Variants in TRAK1 observed in about 807,000 individuals in gnomAD.
The protein encoded by TRAK1 is trafficking kinesin protein 1.
A neutral mutation model predicts 92.1 loss-of-function variants in TRAK1; 33 were observed. That is an observed-to-expected ratio of 0.36 (90% CI 0.27 to 0.48). The LOEUF is 0.48. TRAK1 is among the 20% of genes least tolerant of loss of function. The pLI is 0.99. For synonymous variants in TRAK1, 521 were observed against 517.3 expected, an observed-to-expected ratio of 1.01 and a Z score of -0.10; for missense variants, 1,123 against 1,257.9, an observed-to-expected ratio of 0.89 and a Z score of 1.62.
rs778220748 is a variant in TRAK1, at chr3:42,202,669, C to T, written c.1661C>T (p.Ser554Phe). The change falls in exon 13 of 16, where the codon TCC becomes TTC. Residue 554 changes from serine (S) to phenylalanine (F), a missense_variant. Ser to Phe is a radical substitution (Grantham distance 155, BLOSUM62 -2). Around this residue, in one of 3 missense-constraint regions of TRAK1, gnomAD observed 686 missense variants for 747.6 expected, o/e 0.92. Coordinates refer to ENST00000327628, the MANE Select transcript of TRAK1 (RefSeq NM_001042646.3). The surrounding 1 kb of genome is among the most constrained non-coding windows in gnomAD (Gnocchi z 6.1). ...TCCCTGGGCACGCACTCCCGCTTCT[C>T]CGAGTTCACCGGCTTCTCTGGCATG... Reference protein sequence around the residue: ...IMSLGTHSRFSEFTGFSGMSF... With the variant: ...IMSLGTHSRFFEFTGFSGMSF... 6.2e-7 allele frequency: 1 copy of T among 1,613,662 alleles called. No individual in the cohort carries two copies. The highest frequency in any genetic ancestry group is 8.5e-7 in the Non-Finnish European group (1 of 1,179,670).
intron 1 of TRAK1, among the ~76,000 whole-genome samples, chr3:42,103,272 A>G (rs996702197): frequency 1.3e-5 from 2 of 152,006 alleles, no homozygotes; most frequent in African/African-American, 2.4e-5. Flanking sequence ...GGTTCAAGAG[A>G]TTCTCCTGCC....
Position 42,202,499 on chromosome 3 carries a change from G to T in TRAK1, c.1491G>T (p.Thr497=). Residue 497 remains threonine, a synonymous_variant, in exon 13 of 16, where the codon ACG becomes ACT. Coordinates refer to ENST00000327628, the MANE Select transcript of TRAK1 (RefSeq NM_001042646.3). The surrounding 1 kb of genome is among the most constrained non-coding windows in gnomAD (Gnocchi z 6.1). Reference sequence around the variant, plus strand: ...CCCCAGGCTCCCACGACCTGGAGACGGCGCTGAGGCGGCTGTCCCTGCGCC... The same window carrying T: ...CCCCAGGCTCCCACGACCTGGAGACTGCGCTGAGGCGGCTGTCCCTGCGCC... ...PGTPGSHDLE[T]ALRRLSLRRE... 1 of 1,506,996 alleles carries T rather than the reference G, an allele frequency of 6.6e-7. No individual in the cohort carries two copies. The highest frequency in any genetic ancestry group is 8.9e-7 in the Non-Finnish European group (1 of 1,123,784). The allele number at this position is 1,506,996 out of a possible 1,614,324, so 93.4% of individuals were successfully genotyped here. A position where few individuals can be genotyped will look rare whatever the true frequency, so the allele number is the denominator to read the frequency against.
At chr3:42,117,931 C>T (rs1478242440) in intron 1 of TRAK1, among the ~76,000 whole-genome samples, 13 of 152,044 alleles carry the variant, frequency 8.6e-5, no homozygotes, top group African/African-American at 1.2e-4. Context: ...GCGATTCTCC[C>T]GCCTCAGCCT....
chr3:42,172,961 C>T lies in TRAK1; in HGVS notation c.287-3853C>T, dbSNP rs558783677. Among the ~76,000 whole-genome samples the T allele has an allele frequency of 9.2e-5, 14 of 152,226 alleles. No homozygotes were observed. The South Asian group carries it at 2.1e-3, about 23-fold the overall frequency. On this transcript the variant is annotated intron_variant, in intron 2 of 15. Transcript: ENST00000327628. Reference sequence around the variant, plus strand: ...AGGAGTTCGAGACCAGCCTGGCCAACCTGGTGAAACCCCATCTCTACTAAA... The same window carrying T: ...AGGAGTTCGAGACCAGCCTGGCCAATCTGGTGAAACCCCATCTCTACTAAA...
intron 10 of TRAK1, among the ~76,000 whole-genome samples, chr3:42,197,000 T>TCACACACACACACACA (rs60649090): frequency 3.8e-5 from 5 of 131,076 alleles, no homozygotes; most frequent in Admixed American, 2.3e-4. Context: ...TCTCTCTCTC[T>TCACACACACACACACA]CTCACACACA....
In TRAK1 at chr3:42,189,006, T is replaced by C. The variant is rs776186247; in HGVS notation, c.582-10T>C. 1 of 1,600,678 alleles carries C rather than the reference T, an allele frequency of 6.2e-7. No homozygotes were observed. The highest frequency in any genetic ancestry group is 8.6e-7 in the Non-Finnish European group (1 of 1,167,856). ...GTCTCCCTAGGTTGTGAGCGTACTTTCTCCCCCAGGTTGAAGAGGAATGAG... is the reference window on the plus strand; with the variant it reads ...GTCTCCCTAGGTTGTGAGCGTACTTCCTCCCCCAGGTTGAAGAGGAATGAG... On this transcript the variant is annotated splice_polypyrimidine_tract_variant and intron_variant, in intron 5 of 15. Transcript: ENST00000327628.
intron 1 of TRAK1, among the ~76,000 whole-genome samples, chr3:42,102,994 C>A (rs368747502): frequency 1.7e-4 from 26 of 152,256 alleles, no homozygotes; most frequent in Middle Eastern, 3.4e-3. Context: ...TACAGTTCAT[C>A]CATATAAAGT....
intron 1 of TRAK1, among the ~76,000 whole-genome samples, chr3:42,077,902 AG>A (rs1704230351): frequency 6.6e-6 from 1 of 152,174 alleles, no homozygotes; most frequent in Admixed American, 6.5e-5. Flanking sequence ...GAAGAGAGAG[AG>A]CGTCTCAGAC....
At chr3:42,057,345 G>A (rs1163707079) in intron 1 of TRAK1, among the ~76,000 whole-genome samples, 2 of 152,172 alleles carry the variant, frequency 1.3e-5, no homozygotes, top group Non-Finnish European at 2.9e-5. Flanking sequence ...GAAGGAAGAA[G>A]GGAAGGAATG....
intron 2 of TRAK1, among the ~76,000 whole-genome samples, chr3:42,154,236 G>C (rs546929629): frequency 6.6e-6 from 1 of 152,098 alleles, no homozygotes; most frequent in East Asian, 1.9e-4. Context: ...GCAGTGGCAC[G>C]ATCTCAGCTC....
intron 1 of TRAK1, among the ~76,000 whole-genome samples, chr3:42,046,907 G>A (rs1052497427): frequency 7.2e-5 from 11 of 152,066 alleles, no homozygotes; most frequent in African/African-American, 2.7e-4. Context: ...TTTATTTCCT[G>A]AGTGCCCTGA....
chr3:42,028,952 A>G (rs1475503528), intron 1 of TRAK1, among the ~76,000 whole-genome samples: 1 of 152,180 alleles, frequency 6.6e-6, no homozygotes, highest in African/African-American at 2.4e-5. Flanking sequence ...AAAAGGTTTG[A>G]TTGGCTCATG....
chr3:42,052,624 C>T (rs1414807935), intron 1 of TRAK1, among the ~76,000 whole-genome samples: 1 of 152,204 alleles, frequency 6.6e-6, no homozygotes, highest in Admixed American at 6.5e-5. Flanking sequence ...ACTTGGGCTA[C>T]TCTGCGTCAT....
upstream of TRAK1, among the ~76,000 whole-genome samples, chr3:42,082,553 C>T (rs1312964661): frequency 6.6e-6 from 1 of 151,998 alleles, no homozygotes; most frequent in Non-Finnish European, 1.5e-5. Context: ...CGAGATCGCG[C>T]CACTGCACTC....
intron 14 of TRAK1, chr3:42,210,655 C>T (rs1483764885): frequency 1.4e-5 from 14 of 998,304 alleles, no homozygotes; most frequent in Non-Finnish European, 1.5e-5. Context: ...TTTCATCAGC[C>T]TTTTCACTTT....
intron 2 of TRAK1, among the ~76,000 whole-genome samples, chr3:42,158,732 A>C (rs1187666703): frequency 3.4e-5 from 5 of 148,902 alleles, no homozygotes; most frequent in African/African-American, 9.9e-5. Flanking sequence ...TCATGAGGTC[A>C]GGAGATTGAG....
At chr3:42,214,589 C>T (rs954628780) in intron 14 of TRAK1, among the ~76,000 whole-genome samples, 5 of 152,206 alleles carry the variant, frequency 3.3e-5, no homozygotes, top group African/African-American at 1.2e-4. Context: ...TTGTTTATCT[C>T]TTAAATCACA....
At chr3:42,154,761 G>T (rs902546090) in intron 2 of TRAK1, among the ~76,000 whole-genome samples, 1 of 152,160 alleles carries the variant, frequency 6.6e-6, no homozygotes, top group Non-Finnish European at 1.5e-5. Flanking sequence ...TATGAGCAAG[G>T]TCTTTGGGGA....
At chr3:42,043,190 C>A (rs566928995) in intron 1 of TRAK1, among the ~76,000 whole-genome samples, 1 of 152,188 alleles carries the variant, frequency 6.6e-6, no homozygotes, top group South Asian at 2.1e-4. Flanking sequence ...AGGCACTCAG[C>A]TGTCTCATGG....
Sources: allele counts gnomAD v4.1 joint callset (sites outside exome capture counted in the v4.1 genomes callset), GRCh38; gene constraint gnomAD v4.1.1; regional missense constraint gnomAD v4.1.1; non-coding constraint Gnocchi (gnomAD v3.1); transcripts MANE v1.5; gene names NCBI Gene and HGNC (gene_info 2026-07-23, HGNC 2026-07-21).